The following ABCA10 variants were observed in gnomAD, a reference collection of about 807,000 sequenced individuals.
ABCA10 encodes the protein ATP-binding cassette sub-family A member 10.
In ABCA10, 169 loss-of-function variants were observed where a neutral mutation model predicts 187.5. The ratio of observed to expected loss-of-function variants is 0.90; its 90% CI spans 0.80 to 1.02. The LOEUF is 1.02. ABCA10 is among the 50% of genes least tolerant of loss of function. The pLI, the probability that ABCA10 is intolerant of heterozygous loss-of-function variation, is 0.00. For synonymous variants in ABCA10, 574 were observed against 601.8 expected (o/e 0.95, Z 0.68); for missense variants, 1,727 against 1,812.4 (o/e 0.95, Z 0.86).
rs78810588 is a variant in ABCA10, at chr17:69,214,789, G to A, written c.921C>T (p.Tyr307=). Residue 307 remains tyrosine (Y), a synonymous_variant, in exon 9 of 39, where the codon TAC becomes TAT. Transcript: ENST00000690296. ...AAATGAAAAAAGTGGCTATCATTTT[G>A]TATGAATCCCCAGAGGGATCAGGAA... The part of the protein sequence containing the change: ...VIFPDPSGDS[Y]KMIATFFILA... 6.6e-7 allele frequency: 1 copy of A among 1,508,204 alleles called. No individual in the cohort carries two copies. The highest frequency in any genetic ancestry group is 8.8e-7 in the Non-Finnish European group (1 of 1,133,948). The allele number at this position is 1,508,204 out of a possible 1,614,324, so 93.4% of individuals were successfully genotyped here.
intron 18 of ABCA10, among the ~76,000 whole-genome samples, chr17:69,190,000 G>C (rs544081460): frequency 6.6e-6 from 1 of 152,178 alleles, no homozygotes; most frequent in East Asian, 1.9e-4. Context: ...CTAATTAAGA[G>C]CACATTTTTA....
At chr17:69,197,267 CT>C (rs2074512919) in intron 10 of ABCA10, 145 bp from the exon 11 acceptor site, 1 of 569,604 alleles carries the variant, frequency 1.8e-6, no homozygotes, top group Non-Finnish European at 3.1e-6. Context: ...AAGCCCTCCC[CT>C]GACCACTCCC....
chr17:69,182,754 T>C lies in ABCA10; in HGVS notation c.2552A>G (p.Glu851Gly). 1 of 1,612,568 alleles carries C rather than the reference T, an allele frequency of 6.2e-7. No homozygotes were observed. Among genetic ancestry groups the C allele is most frequent in the South Asian group, 1.1e-5 (1 of 90,896 alleles). The change falls in exon 21 of 39, where the codon GAA (glutamate) becomes GGA (glycine). Residue 851 changes from glutamate to glycine, a missense_variant. Physicochemically the swap from Glu to Gly is moderately conservative, Grantham distance 98. Transcript: ENST00000690296. Reference sequence around the variant, plus strand: ...ATTTCTGTTTCTAAAGTCATCTATTTCCAAAACTATATCCTGACACTTCAG... The same window carrying C: ...ATTTCTGTTTCTAAAGTCATCTATTCCCAAAACTATATCCTGACACTTCAG... ...HSLKCQDIVLEIDDFRNRNGS... is the reference protein window; with the variant it reads ...HSLKCQDIVLGIDDFRNRNGS...
intron 19 of ABCA10, among the ~76,000 whole-genome samples, chr17:69,186,816 T>G (rs1186422525): frequency 6.6e-6 from 1 of 152,160 alleles, no homozygotes; most frequent in Non-Finnish European, 1.5e-5. Context: ...GCATATAAGT[T>G]ATTTAGTTTT....
intron 8 of ABCA10, 170 bp downstream of exon 8, chr17:69,215,645 T>C: frequency 1.8e-6 from 1 of 569,506 alleles, no homozygotes; most frequent in Non-Finnish European, 2.8e-6. Flanking sequence ...CTGCCTGCTT[T>C]GTTTATCCAT....
In ABCA10 at chr17:69,182,796, T is replaced by C; in HGVS notation, c.2510A>G (p.Glu837Gly). 1 of 1,603,618 alleles carries C rather than the reference T, an allele frequency of 6.2e-7. No individual in the cohort carries two copies. The highest frequency in any genetic ancestry group is 1.1e-5 in the South Asian group (1 of 89,554). Residue 837 changes from glutamate to glycine, a missense_variant, in exon 21 of 39, where the codon GAA (glutamate) becomes GGA (glycine). By Grantham distance (98) the Glu-to-Gly change is moderately conservative. Coordinates refer to ENST00000690296, the MANE Select transcript of ABCA10 (RefSeq NM_001377321.1). ...LIVNNTGSNIEDLVHSLKCQD... is the reference protein window; with the variant it reads ...LIVNNTGSNIGDLVHSLKCQD... ...ACACTTCAGTGAATGCACGAGGTCT[T>C]CAATATTTGATCCTAACATAGTGGA...
At position 69,195,215 on chromosome 17, in the gene ABCA10, G is replaced by A. The variant is rs141912588; in HGVS notation, c.1235-720C>T. On this transcript the variant is annotated intron_variant, in intron 11 of 38. Transcript: ENST00000690296. ...ACAGAGGGAATTAGATTGTCAGAGC[G>A]TCAAAAATCAGGCAAACCACAGGCC... Among the ~76,000 whole-genome samples, 374 of 152,254 alleles carry A rather than the reference G, an allele frequency of 2.5e-3. 3 individuals carry two copies. Among genetic ancestry groups the A allele is most frequent in the African/African-American group, 8.4e-3 (351 of 41,546 alleles).
chr17:69,193,117 G>C lies in ABCA10; in HGVS notation c.1773C>G (p.Ile591Met). 1 of 1,601,706 alleles carries C rather than the reference G, an allele frequency of 6.2e-7. No individual in the cohort carries two copies. Among genetic ancestry groups the C allele is most frequent in the Non-Finnish European group, 8.5e-7 (1 of 1,175,986 alleles). Reference sequence around the variant, plus strand: ...AAAGAAGCCAAGAATCACCAGCCAAGATGTCAGCCTCATCCATGAATTGGG... The same window carrying C: ...AAAGAAGCCAAGAATCACCAGCCAACATGTCAGCCTCATCCATGAATTGGG... ...FSTQFMDEAD[I>M]LADRKVFLSN... is the part of the protein sequence containing the mutation. The change falls in exon 15 of 39, where the codon ATC becomes ATG. Residue 591 changes from isoleucine (I) to methionine (M), a missense_variant. Ile to Met is a conservative substitution (Grantham distance 10). Transcript: ENST00000690296.
At chr17:69,204,502 A>G (rs2074575052) in intron 9 of ABCA10, among the ~76,000 whole-genome samples, 1 of 152,198 alleles carries the variant, frequency 6.6e-6, no homozygotes, top group African/African-American at 2.4e-5. Flanking sequence ...TGTTTCCTCC[A>G]TGCCTTTTCT....
At chr17:69,196,980 G>T in intron 11 of ABCA10, 84 bp downstream of exon 11, 1 of 979,554 alleles carries the variant, frequency 1.0e-6, no homozygotes, top group East Asian at 2.8e-5. Context: ...TCCAGCCTCC[G>T]CTTGGCATCA....
chr17:69,174,934 T>C (rs998374267), intron 23 of ABCA10, among the ~76,000 whole-genome samples, 157 bp from the exon 24 acceptor site: 5 of 152,304 alleles, frequency 3.3e-5, no homozygotes, highest in Non-Finnish European at 5.9e-5. Flanking sequence ...CCAATGGAAA[T>C]GTGTAGTTAT....
chr17:69,216,545 T>A (rs1171855361), intron 6 of ABCA10, among the ~76,000 whole-genome samples, 187 bp from the exon 7 acceptor site: 1 of 151,974 alleles, frequency 6.6e-6, no homozygotes, highest in Non-Finnish European at 1.5e-5. Flanking sequence ...TAAAATGGAG[T>A]TTTTCATGGT....
chr17:69,191,211 T>C lies in ABCA10; in HGVS notation c.1976A>G (p.Tyr659Cys). ...LTTESEEKLV[Y>C]SLPLEKTNKF... ...GTTCGTTTTTTCCAAAGGCAAACTA[T>C]ATACAAGTTTTTCTTCACTTTCTGT... Residue 659 changes from tyrosine (Y) to cysteine (C), a missense_variant, in exon 17 of 39, where the codon TAT becomes TGT. Physicochemically the swap from Tyr to Cys is radical, Grantham distance 194 (BLOSUM62 -2). Transcript: ENST00000690296. The C allele has an allele frequency of 6.2e-7, 1 of 1,603,698 alleles. No homozygotes were observed.
At chr17:69,171,600 T>A (rs2074297799) in intron 25 of ABCA10, among the ~76,000 whole-genome samples, 1 of 152,050 alleles carries the variant, frequency 6.6e-6, no homozygotes, top group Non-Finnish European at 1.5e-5. Context: ...AGAAATGAAT[T>A]CCAGGCATCC....
At chr17:69,217,592 G>A (rs1196038808) in intron 6 of ABCA10, among the ~76,000 whole-genome samples, 1 of 152,154 alleles carries the variant, frequency 6.6e-6, no homozygotes, top group Admixed American at 6.5e-5. Context: ...GAAAAAACAA[G>A]CTATTGATAA....
chr17:69,206,068 T>C (rs906495869), intron 9 of ABCA10, among the ~76,000 whole-genome samples: 5 of 152,288 alleles, frequency 3.3e-5, no homozygotes, highest in Admixed American at 6.5e-5. Flanking sequence ...TTGAGCTTCA[T>C]AGTAGACAGA....
At position 69,225,398 on chromosome 17, in the gene ABCA10, T is replaced by A; in HGVS notation, c.-40A>T. 1 of 1,607,776 alleles carries A rather than the reference T, an allele frequency of 6.2e-7. No individual in the cohort carries two copies. The highest frequency in any genetic ancestry group is 8.5e-7 in the Non-Finnish European group (1 of 1,175,194). On this transcript the variant is annotated 5_prime_UTR_variant, in exon 3 of 39. It removes the in-frame stop codon of an upstream open reading frame in the 5' UTR. Transcript: ENST00000690296. ...TGTTACTGACTGGTGTATATGCCAC[T>A]ACCAGGCCAGAGTCATTAAACTGAT...
chr17:69,205,499 AACAG>A (rs2074584422), intron 9 of ABCA10, among the ~76,000 whole-genome samples: 1 of 152,232 alleles, frequency 6.6e-6, no homozygotes, highest in Admixed American at 6.5e-5. Flanking sequence ...AGGGAAACAA[AACAG>A]AATAAACAAT....
At chr17:69,188,733 T>C (rs2144798602) in intron 18 of ABCA10, among the ~76,000 whole-genome samples, 1 of 152,112 alleles carries the variant, frequency 6.6e-6, no homozygotes, top group East Asian at 1.9e-4. Context: ...TTCTCTTCTT[T>C]GTATTCGTGT....
Sources: gnomAD v4.1 joint callset for allele counts (sites outside exome capture counted in the v4.1 genomes callset) on GRCh38, gnomAD v4.1.1 for gene constraint, MANE v1.5 for transcripts, NCBI Gene and HGNC (gene_info 2026-07-23, HGNC 2026-07-21) for gene names.